The following EBF2 variants were observed in gnomAD, a reference collection of about 807,000 sequenced individuals.
EBF2 encodes the protein transcription factor COE2.
Under a neutral mutation model 72.8 loss-of-function variants are expected in EBF2, and 21 were observed. The ratio of observed to expected loss-of-function variants is 0.29; its 90% CI spans 0.20 to 0.42. EBF2 has a LOEUF of 0.42. Ranked by LOEUF, EBF2 falls within the 10% of genes least tolerant of loss-of-function variation. The pLI is 1.00. For synonymous variants in EBF2, 299 were observed against 274.2 expected (o/e 1.09, Z -0.89); for missense variants, 637 against 731.2 (o/e 0.87, Z 1.49).
At chr8:25,953,190 G>T (rs151014288) in intron 6 of EBF2, among the ~76,000 whole-genome samples, 1 of 152,176 alleles carries the variant, frequency 6.6e-6, no homozygotes, top group African/African-American at 2.4e-5. Context: ...TGACCATGGC[G>T]AGTGGACTGT....
At position 26,041,427 on chromosome 8, in the gene EBF2, C is replaced by A. The variant is rs557021008; in HGVS notation, c.289-425G>T. On this transcript the variant is annotated intron_variant, in intron 2 of 15. Transcript: ENST00000520164. The stretch of plus-strand genomic sequence containing the variant: ...ATTCGGGCCTATCCCGCGAGGACTG[C>A]GCACGCAGGGCCACGAGCTCAGGGA... The A allele has an allele frequency of 1.5e-4, 30 of 199,248 alleles. No homozygotes were observed. The South Asian group carries it at 3.1e-3, about 20-fold the overall frequency. 12.3% of individuals were successfully genotyped at this position (199,248 alleles called of 1,614,324 possible).
intron 6 of EBF2, among the ~76,000 whole-genome samples, chr8:25,943,408 G>A (rs1032060817): frequency 2.0e-5 from 3 of 152,036 alleles, no homozygotes; most frequent in Non-Finnish European, 2.9e-5. Context: ...TACTTGGGAG[G>A]CTGAGACAGG....
intron 6 of EBF2, among the ~76,000 whole-genome samples, chr8:25,931,980 G>A (rs1207197635): frequency 6.6e-6 from 1 of 151,150 alleles, no homozygotes; most frequent in Admixed American, 6.6e-5. Flanking sequence ...AGCTTTCAGA[G>A]AGTTTGATTG....
At chr8:26,039,333 T>C (rs1424618159) in intron 5 of EBF2, among the ~76,000 whole-genome samples, 1 of 152,136 alleles carries the variant, frequency 6.6e-6, no homozygotes, top group Non-Finnish European at 1.5e-5. Flanking sequence ...GGAACGCCAG[T>C]AGACTGAACC....
chr8:26,023,907 TC>T (rs1243704753), intron 6 of EBF2, among the ~76,000 whole-genome samples: 1 of 152,170 alleles, frequency 6.6e-6, no homozygotes, highest in African/African-American at 2.4e-5. Context: ...TTCTCCATGT[TC>T]CAATCCATCC....
At chr8:25,964,871 C>T (rs73225958) in intron 6 of EBF2, among the ~76,000 whole-genome samples, 13,223 of 152,196 alleles carry the variant, frequency 0.087, 714 homozygotes, top group South Asian at 0.12. Flanking sequence ...TGCACACAGG[C>T]GCATGCATGC....
intron 6 of EBF2, among the ~76,000 whole-genome samples, chr8:26,006,466 C>T (rs1804883676): frequency 6.6e-6 from 1 of 152,158 alleles, no homozygotes. Context: ...TTGCTCAGGT[C>T]TTTGCTATTC....
At chr8:25,990,742 T>C (rs1421560221) in intron 6 of EBF2, among the ~76,000 whole-genome samples, 3 of 152,194 alleles carry the variant, frequency 2.0e-5, no homozygotes, top group African/African-American at 7.2e-5. Flanking sequence ...CTAGCCCACA[T>C]AGTTCCCATA....
At chr8:26,033,214 G>A in intron 5 of EBF2, 61 bp from the exon 6 acceptor site, 2 of 1,517,830 alleles carry the variant, frequency 1.3e-6, no homozygotes, top group Non-Finnish European at 1.8e-6. Context: ...AATGCAATGA[G>A]CACATGACAA....
At chr8:25,885,750 G>A (rs867065316) in intron 10 of EBF2, among the ~76,000 whole-genome samples, 6 of 151,954 alleles carry the variant, frequency 3.9e-5, no homozygotes, top group South Asian at 2.1e-4. Flanking sequence ...TGTGCCTTTC[G>A]CCTTCTGCCA....
intron 7 of EBF2, among the ~76,000 whole-genome samples, chr8:25,890,182 G>T (rs554203880): frequency 2.0e-5 from 3 of 152,184 alleles, no homozygotes; most frequent in Admixed American, 2.0e-4. Flanking sequence ...GACCGCCACC[G>T]CCAGTGGAGC....
intron 6 of EBF2, among the ~76,000 whole-genome samples, chr8:25,999,733 C>T (rs936452594): frequency 6.6e-6 from 1 of 151,478 alleles, no homozygotes; most frequent in African/African-American, 2.4e-5. Flanking sequence ...TCCATTTTCT[C>T]TTTCTATCGT....
At chr8:25,868,870 A>G (rs1802381454) in intron 10 of EBF2, among the ~76,000 whole-genome samples, 1 of 152,188 alleles carries the variant, frequency 6.6e-6, no homozygotes, top group East Asian at 1.9e-4. Context: ...CGCTCCATAT[A>G]TAAGGAATTT....
In EBF2 at chr8:25,861,565, A is replaced by G. The variant is rs569316151; in HGVS notation, c.1099-191T>C. ...TACATCTCTCTGTAAATACGTATCT[A>G]TCTGAAATTCACCTCTATAAAATGG... is the stretch of plus-strand genomic sequence containing the variant. On this transcript the variant is annotated intron_variant, in intron 11 of 15. Coordinates refer to ENST00000520164, the MANE Select transcript of EBF2 (RefSeq NM_022659.4). Among the ~76,000 whole-genome samples the G allele has an allele frequency of 2.6e-5, 4 of 152,244 alleles. No homozygotes were observed. The East Asian group carries it at 5.8e-4, about 22-fold the overall frequency.
chr8:25,868,585 A>T (rs1802374966), intron 10 of EBF2, among the ~76,000 whole-genome samples: 1 of 152,146 alleles, frequency 6.6e-6, no homozygotes, highest in South Asian at 2.1e-4. Flanking sequence ...GGCTCAAGCA[A>T]TCCTCCTGCC....
At chr8:25,985,938 G>T (rs1302123362) in intron 6 of EBF2, among the ~76,000 whole-genome samples, 1 of 130,208 alleles carries the variant, frequency 7.7e-6, no homozygotes, top group Non-Finnish European at 1.6e-5. Flanking sequence ...GAAAGTTGAG[G>T]CCGCAGTAAG....
intron 11 of EBF2, among the ~76,000 whole-genome samples, chr8:25,862,212 G>A (rs1056490594): frequency 6.6e-6 from 1 of 152,042 alleles, no homozygotes; most frequent in Non-Finnish European, 1.5e-5. Flanking sequence ...TAACAACATG[G>A]GCCAAATTCA....
rs1805616024 is a variant in EBF2 at position 26,042,331 on chromosome 8, C to A, written c.132-80G>T. On this transcript the variant is annotated intron_variant, in intron 1 of 15. Coordinates refer to ENST00000520164, the MANE Select transcript of EBF2 (RefSeq NM_022659.4). ...ATGTTACTAACCGCCCACAACACTGCAGAGGGGTAAGGGGTCCACTTCCCA... is the reference window on the plus strand; with the variant it reads ...ATGTTACTAACCGCCCACAACACTGAAGAGGGGTAAGGGGTCCACTTCCCA... 9 of 1,507,036 alleles carry A rather than the reference C, an allele frequency of 6.0e-6. No individual in the cohort carries two copies. The South Asian group carries it at 1.0e-4, about 17-fold the overall frequency. The allele number at this position is 1,507,036 out of a possible 1,614,324, so 93.4% of individuals were successfully genotyped here.
Position 25,861,433 on chromosome 8 carries a change from A to C in EBF2, c.1099-59T>G, listed in dbSNP as rs73223988. The C allele has an allele frequency of 6.3e-6, 10 of 1,587,778 alleles. No individual in the cohort carries two copies. The African/African-American group carries it at 8.1e-5, about 13-fold the overall frequency. On this transcript the variant is annotated intron_variant, in intron 11 of 15. Transcript: ENST00000520164. ...GGCAAAATCCAAGATGGCAAACAAA[A>C]GAAAATTATAGGCAAAAATGAGAAA...
Sources: gnomAD v4.1 joint callset for allele counts (sites outside exome capture counted in the v4.1 genomes callset) on GRCh38, gnomAD v4.1.1 for gene constraint, MANE v1.5 for transcripts, NCBI Gene and HGNC (gene_info 2026-07-23, HGNC 2026-07-21) for gene names.